The following ABTB2 variants were observed in gnomAD, a reference collection of about 807,000 sequenced individuals.
ABTB2 encodes ankyrin repeat and BTB domain containing 2, also known as ankyrin repeat and BTB/POZ domain-containing protein 2.
Under a neutral mutation model 104.1 loss-of-function variants are expected in ABTB2, and 56 were observed. That is an observed-to-expected ratio of 0.54 (90% CI 0.43 to 0.67). The LOEUF is 0.67. Among genes scored for constraint, ABTB2 ranks in the 30% least tolerant of loss-of-function variants. ABTB2 has a pLI of 0.00. For missense variants in ABTB2, 1,279 were observed against 1,407.7 expected (o/e 0.91, Z 1.46); for synonymous variants, 606 against 608.2 (o/e 1.00, Z 0.05).
chr11:34,346,956 G>T (rs1397722705), intron 1 of ABTB2, among the ~76,000 whole-genome samples: 1 of 152,312 alleles, frequency 6.6e-6, no homozygotes, highest in South Asian at 2.1e-4. Context: ...AAGTTGTAAA[G>T]GTTTCAATAA....
intron 16 of ABTB2, among the ~76,000 whole-genome samples, chr11:34,153,117 A>G (rs1389252297): frequency 6.6e-6 from 1 of 152,192 alleles, no homozygotes; most frequent in East Asian, 1.9e-4. Flanking sequence ...ATGGCTTGTG[A>G]GAGGCCAGGG....
chr11:34,280,927 A>G (rs1440158234), intron 1 of ABTB2, among the ~76,000 whole-genome samples: 1 of 152,202 alleles, frequency 6.6e-6, no homozygotes, highest in African/African-American at 2.4e-5. Context: ...ACTACCCGCA[A>G]TATAATGAAG....
At chr11:34,250,420 C>T (rs371286216) in intron 1 of ABTB2, among the ~76,000 whole-genome samples, 99 of 152,258 alleles carry the variant, frequency 6.5e-4, no homozygotes, top group Non-Finnish European at 1.0e-3. Flanking sequence ...AACAAAGTGA[C>T]GATAAATGTG....
rs145821464 is a variant in ABTB2, at chr11:34,302,741, T to C, written c.883+53960A>G. Among the ~76,000 whole-genome samples the C allele has an allele frequency of 1.8e-4, 28 of 152,306 alleles. 1 individual carries two copies. Among genetic ancestry groups the C allele is most frequent in the South Asian group, 6.2e-4 (3 of 4,828 alleles). On this transcript the variant is annotated intron_variant, in intron 1 of 16. Coordinates refer to ENST00000435224, the MANE Select transcript of ABTB2 (RefSeq NM_145804.3). ...CACTCCCTCCAGACCACAACCTCTT[T>C]AGCGCTTGCGAGGGGTAGTAGGCTT... is the stretch of plus-strand genomic sequence containing the variant.
At chr11:34,204,771 C>G (rs1290968598) in intron 1 of ABTB2, 81 bp from the exon 2 acceptor site, 5 of 1,441,846 alleles carry the variant, frequency 3.5e-6, no homozygotes, top group Non-Finnish European at 4.7e-6. Flanking sequence ...AGGCAGGGCT[C>G]AGCCCTGCTC....
chr11:34,162,716 T>C lies in ABTB2; in HGVS notation c.2078A>G (p.Glu693Gly). Reference protein sequence around the residue: ...LEEILAEGVEESDASSQGSGS... With the variant: ...LEEILAEGVEGSDASSQGSGS... ...ACTGCCCTGGCTCGACGCATCACTTTCCTCCACACCCTCGGCCAGGATCTC... is the reference window on the plus strand; with the variant it reads ...ACTGCCCTGGCTCGACGCATCACTTCCCTCCACACCCTCGGCCAGGATCTC... Residue 693 changes from glutamate to glycine, a missense_variant, in exon 10 of 17, where the codon GAA becomes GGA. Physicochemically the swap from Glu to Gly is moderately conservative, Grantham distance 98. Coordinates refer to ENST00000435224, the MANE Select transcript of ABTB2 (RefSeq NM_145804.3). The C allele has an allele frequency of 6.2e-7, 1 of 1,612,410 alleles. No individual in the cohort carries two copies. The highest frequency in any genetic ancestry group is 8.5e-7 in the Non-Finnish European group (1 of 1,180,028).
At chr11:34,213,201 G>A (rs1450940104) in intron 1 of ABTB2, among the ~76,000 whole-genome samples, 1 of 152,226 alleles carries the variant, frequency 6.6e-6, no homozygotes. Flanking sequence ...GCCCTGACCA[G>A]GCGCAGTGGC....
intron 1 of ABTB2, among the ~76,000 whole-genome samples, chr11:34,315,920 T>C (rs1854923446): frequency 6.6e-6 from 1 of 152,180 alleles, no homozygotes; most frequent in African/African-American, 2.4e-5. Context: ...TTAGCATAAC[T>C]TCTTCAAGGC....
intron 1 of ABTB2, among the ~76,000 whole-genome samples, chr11:34,236,295 G>A (rs755228374): frequency 6.6e-6 from 1 of 152,158 alleles, no homozygotes; most frequent in East Asian, 1.9e-4. Flanking sequence ...AGAAAATATG[G>A]AAATTTTCTT....
At chr11:34,186,264 C>A (rs897477840) in intron 3 of ABTB2, among the ~76,000 whole-genome samples, 2 of 152,200 alleles carry the variant, frequency 1.3e-5, no homozygotes, top group Non-Finnish European at 2.9e-5. Context: ...GCAGTCAAAG[C>A]GGGGAGGGGC....
chr11:34,220,144 C>T (rs887835675), intron 1 of ABTB2, among the ~76,000 whole-genome samples: 2 of 152,200 alleles, frequency 1.3e-5, no homozygotes, highest in African/African-American at 4.8e-5. Flanking sequence ...ATGGGTATAT[C>T]CTGCCAGAGG....
At chr11:34,172,395 A>AATATATATATATATATAT in intron 4 of ABTB2, among the ~76,000 whole-genome samples, 1 of 29,050 alleles carries the variant, frequency 3.4e-5, no homozygotes, top group Non-Finnish European at 7.7e-5. Flanking sequence ...AAAAAAAAAA[A>AATATATATATATATATAT]ATATATATAT....
chr11:34,334,816 A>C (rs893417590), intron 1 of ABTB2, among the ~76,000 whole-genome samples: 1 of 151,896 alleles, frequency 6.6e-6, no homozygotes, highest in African/African-American at 2.4e-5. Flanking sequence ...TTTGGAAGAA[A>C]GTAATTAAAA....
intron 1 of ABTB2, among the ~76,000 whole-genome samples, chr11:34,281,959 A>G (rs539224585): frequency 3.9e-5 from 6 of 152,270 alleles, no homozygotes; most frequent in Admixed American, 2.6e-4. Context: ...GATGGATTAC[A>G]TAAGTCCATT....
intron 9 of ABTB2, among the ~76,000 whole-genome samples, chr11:34,163,197 T>TA: frequency 6.6e-6 from 1 of 152,122 alleles, no homozygotes; most frequent in Non-Finnish European, 1.5e-5. Context: ...GAGGCTGATG[T>TA]AAAGGGTTTA....
At position 34,204,636 on chromosome 11, in the gene ABTB2, TGGCC is replaced by T; in HGVS notation, c.934_937del (p.Gly312MetfsTer31). The stretch of plus-strand genomic sequence containing the variant: ...GGCATAGGCATCGGCTCGCTCGTCA[TGGCC>T]CAGGGACCCGCCGTTGTAGGGGCTG... On this transcript the variant is annotated frameshift_variant, in exon 2 of 17. Coordinates refer to ENST00000435224, the MANE Select transcript of ABTB2 (RefSeq NM_145804.3). LOFTEE classifies it high-confidence loss of function. 1 of 1,612,134 alleles carries T rather than the reference TGGCC, an allele frequency of 6.2e-7. No individual in the cohort carries two copies. The highest frequency in any genetic ancestry group is 8.5e-7 in the Non-Finnish European group (1 of 1,179,518).
chr11:34,233,233 A>G (rs1313643716), intron 1 of ABTB2, among the ~76,000 whole-genome samples: 1 of 151,942 alleles, frequency 6.6e-6, no homozygotes, highest in Non-Finnish European at 1.5e-5. Context: ...TATTTTTTTG[A>G]AGACAAAGCA....
At chr11:34,289,395 A>G (rs573249739) in intron 1 of ABTB2, among the ~76,000 whole-genome samples, 51 of 152,232 alleles carry the variant, frequency 3.4e-4, no homozygotes, top group Non-Finnish European at 6.9e-4. Flanking sequence ...CGTGCTTACT[A>G]TGCACTGGGC....
At chr11:34,174,938 G>A (rs944980858) in intron 3 of ABTB2, among the ~76,000 whole-genome samples, 1 of 152,250 alleles carries the variant, frequency 6.6e-6, no homozygotes, top group South Asian at 2.1e-4. Context: ...GCCAGGGAGC[G>A]GGCAGGCAGC....
Sources: allele counts gnomAD v4.1 joint callset (sites outside exome capture counted in the v4.1 genomes callset), GRCh38; gene constraint gnomAD v4.1.1; transcripts MANE v1.5; gene names NCBI Gene and HGNC (gene_info 2026-07-23, HGNC 2026-07-21).